The following MPG variants were observed in gnomAD, a reference collection of about 807,000 sequenced individuals.
The protein encoded by MPG is N-methylpurine DNA glycosylase.
Under a neutral mutation model 31.7 loss-of-function variants are expected in MPG, and 33 were observed. The ratio of observed to expected loss-of-function variants is 1.04; its 90% CI spans 0.79 to 1.39. The LOEUF is 1.39. Among genes scored for constraint, MPG ranks in the 40% most tolerant of loss-of-function variants. The pLI, the probability that MPG is intolerant of heterozygous loss-of-function variation, is 0.00. For synonymous variants in MPG, 202 were observed against 169.2 expected (o/e 1.19, Z -1.51); for missense variants, 455 against 415.5 (o/e 1.10, Z -0.83).
intron 3 of MPG, among the ~76,000 whole-genome samples, chr16:83,968 A>G (rs1210181797): frequency 6.6e-6 from 1 of 152,100 alleles, no homozygotes; most frequent in Non-Finnish European, 1.5e-5. Context: ...CGGTGAGGAA[A>G]GGGAGGTTTG....
chr16:81,080 T>C (rs1214506374), intron 2 of MPG, among the ~76,000 whole-genome samples: 3 of 152,176 alleles, frequency 2.0e-5, no homozygotes, highest in Non-Finnish European at 4.4e-5. Context: ...TGGATGCCCT[T>C]GCAGACCCCT....
upstream of MPG, among the ~76,000 whole-genome samples, chr16:77,718 T>C (rs1331357217): frequency 6.6e-6 from 1 of 152,144 alleles, no homozygotes; most frequent in African/African-American, 2.4e-5. Flanking sequence ...CGCACAAGCC[T>C]GGCGTCCACT....
intron 2 of MPG, 92 bp downstream of exon 2, chr16:79,792 CAGTT>C (rs1249423365): frequency 3.2e-5 from 44 of 1,386,414 alleles, no homozygotes; most frequent in Middle Eastern, 2.5e-4. Context: ...GATTGGCCCT[CAGTT>C]AGTCCTCCTT....
At chr16:83,285 G>C (rs772097773) in intron 3 of MPG, 29 bp downstream of exon 3, 5 of 1,595,032 alleles carry the variant, frequency 3.1e-6, no homozygotes, top group South Asian at 1.1e-5. Flanking sequence ...CGGGGGGTTG[G>C]AGGGCCGGCA....
At chr16:84,415 C>G (rs531929034) in intron 3 of MPG, 1 of 152,370 alleles carries the variant, frequency 6.6e-6, no homozygotes, top group Non-Finnish European at 1.5e-5. Flanking sequence ...GGCCGCAGCC[C>G]AAGAGTAGGG....
intron 3 of MPG, among the ~76,000 whole-genome samples, chr16:84,091 T>G (rs1353708714): frequency 6.6e-6 from 1 of 152,094 alleles, no homozygotes; most frequent in Non-Finnish European, 1.5e-5. Flanking sequence ...AGGCTTTGAC[T>G]CATTTGCAGG....
Position 79,253 on chromosome 16 carries a change from G to A in MPG, c.25-172G>A, listed in dbSNP as rs368196338. On this transcript the variant is annotated intron_variant, in intron 1 of 3. Coordinates refer to ENST00000356432, the MANE Select transcript of MPG (RefSeq NM_001015052.3). ...AGACGTGATCATTTCCTGAGGCCTCGAGTGTGTCAGGGTGTTTGTGCCTCA... is the reference window on the plus strand; with the variant it reads ...AGACGTGATCATTTCCTGAGGCCTCAAGTGTGTCAGGGTGTTTGTGCCTCA... The A allele has an allele frequency of 2.1e-4, 320 of 1,553,598 alleles. 1 individual carries two copies. The African/African-American group carries it at 3.9e-3, about 19-fold the overall frequency.
Position 85,738 on chromosome 16 carries a change from T to C in MPG, c.843T>C (p.Ser281=). 2 of 1,517,806 alleles carry C rather than the reference T, an allele frequency of 1.3e-6. No individual in the cohort carries two copies. Among genetic ancestry groups the C allele is most frequent in the Non-Finnish European group, 1.8e-6 (2 of 1,131,680 alleles). 94.0% of individuals were successfully genotyped at this position (1,517,806 alleles called of 1,614,324 possible). ...ATGTCCGGGGCAGCCCCTGGGTCAG[T>C]GTGGTCGACAGAGTGGCTGAGCAGG... The part of the protein sequence containing the change: ...RFYVRGSPWV[S]VVDRVAEQDT... Residue 281 remains serine, a synonymous_variant, in exon 4 of 4, where the codon AGT becomes AGC. Transcript: ENST00000356432.
At chr16:77,325 G>T (rs572481111), upstream of MPG, among the ~76,000 whole-genome samples, 7 of 152,314 alleles carry the variant, frequency 4.6e-5, no homozygotes, top group East Asian at 1.4e-3. Flanking sequence ...GGCCGTGGGA[G>T]CCAGCAGTGT....
rs1898145405 is a variant in MPG at position 78,286 on chromosome 16, C to G, written c.-24C>G. 3.7e-6 allele frequency: 5 copies of G among 1,367,322 alleles called. No homozygotes were observed. Among genetic ancestry groups the G allele is most frequent in the Non-Finnish European group, 2.8e-6 (3 of 1,056,034 alleles). The allele number at this position is 1,367,322 out of a possible 1,614,324, so 84.7% of individuals were successfully genotyped here. ...GCTCCGCGCCGGGGTCCGAGTCCCA[C>G]GAAGCCCCGGCCCGAGCCGCCGGAT... On this transcript the variant is annotated 5_prime_UTR_variant, in exon 1 of 4. Coordinates refer to ENST00000356432, the MANE Select transcript of MPG (RefSeq NM_001015052.3).
intron 2 of MPG, chr16:79,976 C>T (rs1374785625): frequency 3.7e-6 from 2 of 539,720 alleles, no homozygotes; most frequent in Non-Finnish European, 3.3e-6. Context: ...GGAGCACTTG[C>T]ACCGTTAGCC....
At chr16:79,108 TC>T in intron 1 of MPG, 1 of 1,467,354 alleles carries the variant, frequency 6.8e-7, no homozygotes, top group Non-Finnish European at 9.0e-7. Context: ...AGCCCTGCTG[TC>T]CCAGGCTCAG....
rs1419405487 is a variant in MPG at position 79,798 on chromosome 16, GTCC to G, written c.300+103_300+105del. ...TGCCTGCTGGATTGGCCCTCAGTTA[GTCC>G]TCCTTGTCCTCATGCATTTAGCGGC... On this transcript the variant is annotated intron_variant, in intron 2 of 3. Transcript: ENST00000356432. 9.1e-6 allele frequency: 12 copies of G among 1,316,576 alleles called. No individual in the cohort carries two copies. The East Asian group carries it at 3.0e-4, about 33-fold the overall frequency. The allele number at this position is 1,316,576 out of a possible 1,614,324, so 81.6% of individuals were successfully genotyped here. A position where few individuals can be genotyped will look rare whatever the true frequency, so the allele number is the denominator to read the frequency against.
chr16:84,893 G>GA (rs1417215950), intron 3 of MPG, among the ~76,000 whole-genome samples: 1 of 152,214 alleles, frequency 6.6e-6, no homozygotes, highest in East Asian at 1.9e-4. Context: ...CACAAACACT[G>GA]AGTGGGTGAG....
upstream of MPG, chr16:78,203 T>C: frequency 9.2e-7 from 1 of 1,081,558 alleles, no homozygotes; most frequent in African/African-American, 1.7e-5. Context: ...CGTCCCCTTC[T>C]GCGCAGGCGC....
chr16:80,092 C>T (rs1898200426), intron 2 of MPG, among the ~76,000 whole-genome samples: 1 of 152,250 alleles, frequency 6.6e-6, no homozygotes, highest in African/African-American at 2.4e-5. Context: ...GCAGTGCTGG[C>T]TTCCCAGGGC....
Position 85,800 on chromosome 16 carries a change from A to C in MPG, c.*23A>C. On this transcript the variant is annotated 3_prime_UTR_variant, in exon 4 of 4. Coordinates refer to ENST00000356432, the MANE Select transcript of MPG (RefSeq NM_001015052.3). ...TGAGCAAAGGGCCTGCCCAGACAAG[A>C]TTTTTTAATTGTTTAAAAACCGAAT... The C allele has an allele frequency of 1.4e-6, 2 of 1,458,644 alleles. No homozygotes were observed. Among genetic ancestry groups the C allele is most frequent in the South Asian group, 3.2e-5 (2 of 63,114 alleles). 90.4% of individuals were successfully genotyped at this position (1,458,644 alleles called of 1,614,324 possible). A position where few individuals can be genotyped will look rare whatever the true frequency, so the allele number is the denominator to read the frequency against.
intron 2 of MPG, among the ~76,000 whole-genome samples, chr16:80,450 G>C (rs1898208742): frequency 1.3e-5 from 2 of 152,212 alleles, no homozygotes; most frequent in African/African-American, 2.4e-5. Flanking sequence ...TAGAATGTGG[G>C]CTCGACCTCA....
chr16:84,067 T>C, intron 3 of MPG, among the ~76,000 whole-genome samples: 1 of 152,040 alleles, frequency 6.6e-6, no homozygotes, highest in Non-Finnish European at 1.5e-5. Flanking sequence ...GGGGCTGTGG[T>C]GATGAGGGCG....
Sources: allele counts gnomAD v4.1 joint callset (sites outside exome capture counted in the v4.1 genomes callset), GRCh38; gene constraint gnomAD v4.1.1; transcripts MANE v1.5; gene names NCBI Gene and HGNC (gene_info 2026-07-23, HGNC 2026-07-21).